EPHA3: variants seen among roughly 807,000 people sequenced by gnomAD.
The protein encoded by EPHA3 is ephrin type-A receptor 3.
Under a neutral mutation model 107.1 loss-of-function variants are expected in EPHA3, and 42 were observed. The ratio of observed to expected loss-of-function variants is 0.39; its 90% CI spans 0.31 to 0.51. EPHA3 has a LOEUF of 0.51. Among genes scored for constraint, EPHA3 ranks in the 20% least tolerant of loss-of-function variants. EPHA3 has a pLI of 0.78. For missense variants in EPHA3, 1,183 were observed against 1,211.2 expected (o/e 0.98, Z 0.35); for synonymous variants, 461 against 424.8 (o/e 1.09, Z -1.05).
chr3:89,265,478 G>C (rs1372179907), intron 3 of EPHA3, among the ~76,000 whole-genome samples: 1 of 152,022 alleles, frequency 6.6e-6, no homozygotes, highest in Admixed American at 6.6e-5. Context: ...TAAATATCTT[G>C]ATACACCATT....
intron 5 of EPHA3, among the ~76,000 whole-genome samples, chr3:89,346,957 G>C (rs1257990768): frequency 6.9e-6 from 1 of 145,562 alleles, no homozygotes; most frequent in African/African-American, 2.6e-5. Context: ...TGAGGGCTCT[G>C]TTCTGTTCCA....
intron 3 of EPHA3, among the ~76,000 whole-genome samples, chr3:89,261,889 C>T (rs975446041): frequency 1.7e-4 from 25 of 150,962 alleles, no homozygotes; most frequent in African/African-American, 4.9e-4. Context: ...GAATTTTGCA[C>T]CAACCTAATA....
chr3:89,370,493 T>G (rs1357110226), intron 5 of EPHA3, among the ~76,000 whole-genome samples: 2 of 149,660 alleles, frequency 1.3e-5, no homozygotes, highest in African/African-American at 4.9e-5. Context: ...AACATCATAC[T>G]CTGGGGACTG....
chr3:89,242,703 C>T (rs1400348905), intron 3 of EPHA3, among the ~76,000 whole-genome samples: 1 of 152,094 alleles, frequency 6.6e-6, no homozygotes, highest in Non-Finnish European at 1.5e-5. Context: ...TCCCAAAGTG[C>T]TGGGATTACA....
rs2107553249 is a variant in EPHA3, at chr3:89,449,242, C to T, written c.2364C>T (p.Ile788=). Residue 788 remains isoleucine (I), a synonymous_variant, in exon 14 of 17, where the codon ATC becomes ATT. Transcript: ENST00000336596. ...AYTTRGGKIP[I]RWTSPEAIAY... ...ATTCAAAGGGAGGGAAGATCCCAAT[C>T]AGGTGGACATCACCAGAAGCTATAG... 6.2e-7 allele frequency: 1 copy of T among 1,606,122 alleles called. No individual in the cohort carries two copies. The highest frequency in any genetic ancestry group is 8.5e-7 in the Non-Finnish European group (1 of 1,174,584).
At chr3:89,437,041 T>A (rs1413271369) in intron 13 of EPHA3, among the ~76,000 whole-genome samples, 1 of 152,158 alleles carries the variant, frequency 6.6e-6, no homozygotes, top group Non-Finnish European at 1.5e-5. Context: ...TGTACTCTCA[T>A]GGGATGTTCA....
At chr3:89,159,023 C>T (rs1469142951) in intron 2 of EPHA3, among the ~76,000 whole-genome samples, 11 of 152,086 alleles carry the variant, frequency 7.2e-5, no homozygotes, top group Non-Finnish European at 1.6e-4. Flanking sequence ...GCCTCACCCA[C>T]ATTTCCTTAA....
chr3:89,181,070 C>T (rs1191015808), intron 2 of EPHA3, among the ~76,000 whole-genome samples: 4 of 151,840 alleles, frequency 2.6e-5, no homozygotes, highest in African/African-American at 9.7e-5. Flanking sequence ...TAAACAAAAA[C>T]ACTCATATTG....
intron 2 of EPHA3, among the ~76,000 whole-genome samples, chr3:89,138,718 T>C (rs1487942423): frequency 6.6e-6 from 1 of 151,950 alleles, no homozygotes; most frequent in Non-Finnish European, 1.5e-5. Context: ...ATGAGCCTTT[T>C]ATTCTTTGGT....
At chr3:89,451,832 A>G (rs1215397869) in intron 15 of EPHA3, among the ~76,000 whole-genome samples, 1 of 151,828 alleles carries the variant, frequency 6.6e-6, no homozygotes, top group Non-Finnish European at 1.5e-5. Flanking sequence ...ATGCATGGGA[A>G]ATTCCTTGCA....
intron 2 of EPHA3, among the ~76,000 whole-genome samples, chr3:89,131,954 C>G (rs565361737): frequency 8.5e-4 from 129 of 152,290 alleles, no homozygotes; most frequent in Admixed American, 3.5e-3. Context: ...AAAATGGCCC[C>G]TCTGCGACTC....
chr3:89,184,669 T>C (rs755729712), intron 2 of EPHA3, among the ~76,000 whole-genome samples: 6 of 152,070 alleles, frequency 3.9e-5, no homozygotes, highest in Non-Finnish European at 8.8e-5. Context: ...GCCAGAATTC[T>C]TGGTTTCCCT....
intron 11 of EPHA3, among the ~76,000 whole-genome samples, chr3:89,426,385 C>A (rs1377962701): frequency 6.6e-6 from 1 of 151,764 alleles, no homozygotes; most frequent in East Asian, 1.9e-4. Context: ...GATACTGTTT[C>A]CCAAGGTAGA....
chr3:89,297,394 A>G (rs1316186045), intron 3 of EPHA3, among the ~76,000 whole-genome samples: 1 of 152,128 alleles, frequency 6.6e-6, no homozygotes, highest in Non-Finnish European at 1.5e-5. Flanking sequence ...GTCTCAGGGG[A>G]TAGGGAGGCC....
chr3:89,126,129 G>C (rs141494168), intron 1 of EPHA3, among the ~76,000 whole-genome samples: 2 of 151,760 alleles, frequency 1.3e-5, no homozygotes, highest in African/African-American at 4.8e-5. Flanking sequence ...TTTGGTTTGT[G>C]TATATATGTA....
intron 2 of EPHA3, among the ~76,000 whole-genome samples, chr3:89,204,996 C>A (rs921988268): frequency 5.9e-5 from 9 of 152,112 alleles, no homozygotes; most frequent in African/African-American, 1.4e-4. Flanking sequence ...CATTGAAATG[C>A]AAAAATAATG....
intron 2 of EPHA3, among the ~76,000 whole-genome samples, chr3:89,173,974 C>CGT (rs1450072701): frequency 6.6e-6 from 1 of 151,858 alleles, no homozygotes; most frequent in Non-Finnish European, 1.5e-5. Context: ...CCAAATCACA[C>CGT]GTGTGTCTTT....
chr3:89,364,782 A>T lies in EPHA3; in HGVS notation c.1306+22692A>T, dbSNP rs564362171. Among the ~76,000 whole-genome samples the T allele has an allele frequency of 6.6e-5, 10 of 151,228 alleles. 1 individual carries two copies. The highest frequency in any genetic ancestry group is 2.4e-4 in the African/African-American group (10 of 41,482). ...GCTGAAGAGTAATGCTGAGATGGCC[A>T]ATCAGTGTAATACAGAGATTGTACT... On this transcript the variant is annotated intron_variant, in intron 5 of 16. Coordinates refer to ENST00000336596, the MANE Select transcript of EPHA3 (RefSeq NM_005233.6).
At chr3:89,350,038 C>T (rs1474879381) in intron 5 of EPHA3, among the ~76,000 whole-genome samples, 1 of 150,532 alleles carries the variant, frequency 6.6e-6, no homozygotes, top group Admixed American at 6.6e-5. Flanking sequence ...TTCTCTCTGG[C>T]TGCCCTTAAC....
Sources: allele counts gnomAD v4.1 joint callset (sites outside exome capture counted in the v4.1 genomes callset), GRCh38; gene constraint gnomAD v4.1.1; transcripts MANE v1.5; gene names NCBI Gene and HGNC (gene_info 2026-07-23, HGNC 2026-07-21).